PSD2: variants seen among roughly 807,000 people sequenced by gnomAD.
PSD2 encodes the protein pleckstrin and Sec7 domain containing 2, also known as PH and SEC7 domain-containing protein 2.
PSD2 carries 38 observed loss-of-function variants against 69.8 expected under a neutral mutation model. The observed-to-expected ratio is 0.54, with a 90% CI of 0.42 to 0.71. The LOEUF (loss-of-function observed/expected upper bound fraction) is 0.71. Ranked by LOEUF, PSD2 falls within the 30% of genes least tolerant of loss-of-function variation. PSD2 has a pLI of 0.00. For missense variants in PSD2, 943 were observed against 1,014.5 expected (o/e 0.93, Z 0.96); for synonymous variants, 412 against 423.0 (o/e 0.97, Z 0.32).
chr5:139,769,469 T>TG, the PSD2 span, among the ~76,000 whole-genome samples: 1 of 152,122 alleles, frequency 6.6e-6, no homozygotes, highest in African/African-American at 2.4e-5. Flanking sequence ...AGCTCCTCTG[T>TG]GGGGGGCAGC....
intron 1 of PSD2, among the ~76,000 whole-genome samples, chr5:139,800,081 G>A (rs1057332473): frequency 1.3e-5 from 2 of 152,224 alleles, no homozygotes; most frequent in African/African-American, 2.4e-5. Context: ...GCACCAGCAG[G>A]GGAGGGCCCT....
chr5:139,755,156 C>A, the PSD2 span, among the ~76,000 whole-genome samples: 1 of 152,226 alleles, frequency 6.6e-6, no homozygotes, highest in African/African-American at 2.4e-5. Flanking sequence ...GCGCCACCCA[C>A]GCCCCTTCCC....
chr5:139,807,866 A>G (rs1014305036), intron 1 of PSD2, among the ~76,000 whole-genome samples: 2 of 152,154 alleles, frequency 1.3e-5, no homozygotes, highest in Non-Finnish European at 2.9e-5. Context: ...TTGCCTCGTT[A>G]TAAGAATCAC....
chr5:139,767,558 G>A, the PSD2 span, among the ~76,000 whole-genome samples: 3 of 152,092 alleles, frequency 2.0e-5, no homozygotes, highest in Non-Finnish European at 4.4e-5. Context: ...CAAGTGATCT[G>A]CCCACCTCGG....
chr5:139,834,449 C>A (rs73269480), intron 8 of PSD2, among the ~76,000 whole-genome samples: 14,607 of 150,680 alleles, frequency 0.097, 967 homozygotes, highest in African/African-American at 0.19. Flanking sequence ...CTGTGCCTGG[C>A]GATTTTTATT....
At chr5:139,840,004 C>A (rs371557399) in intron 13 of PSD2, 23 bp from the exon 14 acceptor site, 2 of 1,613,570 alleles carry the variant, frequency 1.2e-6, no homozygotes, top group Admixed American at 3.3e-5. Flanking sequence ...TAAGGCCTCA[C>A]AGTCCAGGAT....
At position 139,839,963 on chromosome 5, in the gene PSD2, G is replaced by A. The variant is rs1044107084; in HGVS notation, c.1969-64G>A. 1 of 1,584,770 alleles carries A rather than the reference G, an allele frequency of 6.3e-7. No individual in the cohort carries two copies. Among genetic ancestry groups the A allele is most frequent in the Non-Finnish European group, 8.6e-7 (1 of 1,157,876 alleles). On this transcript the variant is annotated intron_variant, in intron 13 of 14. Transcript: ENST00000274710. This position sits in a 1 kb window ranked among gnomAD's most constrained non-coding sequence, Gnocchi z 5.1. ...TGGTGGAGCAGCTCCTGGTAGAACA[G>A]GATTTGAGCCACTCCGTGACATCCT...
At chr5:139,750,477 A>T in the PSD2 span, among the ~76,000 whole-genome samples, 96 of 152,026 alleles carry the variant, frequency 6.3e-4, 1 homozygote, top group Non-Finnish European at 8.5e-4. Flanking sequence ...GTAACCCCCA[A>T]CCTTCCAAAG....
chr5:139,763,644 C>T, the PSD2 span, among the ~76,000 whole-genome samples: 1 of 152,234 alleles, frequency 6.6e-6, no homozygotes, highest in African/African-American at 2.4e-5. Flanking sequence ...CACACCTTCC[C>T]TGCTCCTCTC....
At chr5:139,817,249 CT>C (rs1561599148) in intron 4 of PSD2, among the ~76,000 whole-genome samples, 2 of 152,176 alleles carry the variant, frequency 1.3e-5, no homozygotes, top group South Asian at 2.1e-4. Context: ...CTCCCTTCGC[CT>C]GGTTAGCTCG....
the PSD2 span, among the ~76,000 whole-genome samples, chr5:139,766,828 C>CTTCTCTCCTTCT: frequency 1.1e-5 from 1 of 87,736 alleles, no homozygotes; most frequent in Non-Finnish European, 2.6e-5. Context: ...AAGTCCCTTC[C>CTTCTCTCCTTCT]TTCTTTCTTT....
Position 139,813,735 on chromosome 5 carries a change from G to C in PSD2, c.798G>C (p.Thr266=). 6.2e-7 allele frequency: 1 copy of C among 1,606,744 alleles called. No homozygotes were observed. Among genetic ancestry groups the C allele is most frequent in the Non-Finnish European group, 8.5e-7 (1 of 1,175,186 alleles). The part of the protein sequence containing the change: ...GGDEDDDEED[T]DKLLNSASDP... Reference sequence around the variant, plus strand: ...ATGAGGATGATGATGAGGAGGACACGGACAAGTTGCTGAACTCAGCCAGGT... The same window carrying C: ...ATGAGGATGATGATGAGGAGGACACCGACAAGTTGCTGAACTCAGCCAGGT... The change falls in exon 3 of 15, where the codon ACG becomes ACC. Residue 266 remains threonine (T), a synonymous_variant. Transcript: ENST00000274710.
At chr5:139,786,014 A>G in the PSD2 span, among the ~76,000 whole-genome samples, 1 of 152,102 alleles carries the variant, frequency 6.6e-6, no homozygotes, top group South Asian at 2.1e-4. Flanking sequence ...CCTTGAACCC[A>G]GGAGTTTGAG....
intron 1 of PSD2, among the ~76,000 whole-genome samples, chr5:139,808,106 T>C (rs1759858226): frequency 6.6e-6 from 1 of 152,184 alleles, no homozygotes; most frequent in Admixed American, 6.5e-5. Context: ...AGCAGAGTGG[T>C]AGCCAAGGCC....
chr5:139,788,670 C>T, the PSD2 span, among the ~76,000 whole-genome samples: 1 of 152,228 alleles, frequency 6.6e-6, no homozygotes, highest in African/African-American at 2.4e-5. Flanking sequence ...CCACAAAGGC[C>T]CTTAGATGCC....
At chr5:139,820,367 C>CA (rs1554095552) in intron 5 of PSD2, among the ~76,000 whole-genome samples, 13 of 151,686 alleles carry the variant, frequency 8.6e-5, no homozygotes, top group African/African-American at 2.7e-4. Flanking sequence ...GAGAAGAGAA[C>CA]GGGAGCAAGA....
intron 1 of PSD2, among the ~76,000 whole-genome samples, chr5:139,796,541 C>A (rs1377765793): frequency 6.6e-6 from 1 of 152,184 alleles, no homozygotes; most frequent in South Asian, 2.1e-4. Context: ...CGCACGGGGG[C>A]GTGGCAGTCA....
rs753829771 is a variant in PSD2, at chr5:139,836,955, C to T, written c.1548C>T (p.His516=). 1.8e-5 allele frequency: 29 copies of T among 1,613,908 alleles called. No homozygotes were observed. Among genetic ancestry groups the T allele is most frequent in the African/African-American group, 2.7e-5 (2 of 74,908 alleles). Residue 516 remains histidine (H), a synonymous_variant, in exon 10 of 15, where the codon CAC becomes CAT. Coordinates refer to ENST00000274710, the MANE Select transcript of PSD2 (RefSeq NM_032289.4). ...PQALSATTYK[H]GVLTRKTHAD... is the part of the protein sequence containing the mutation. ...CGCTCAGTGCCACCACCTACAAGCA[C>T]GGCGTCCTGACCCGGAAGACTCACG...
In PSD2 at chr5:139,842,255, T is replaced by C; in HGVS notation, c.2113-16T>C. On this transcript the variant is annotated splice_polypyrimidine_tract_variant and intron_variant, in intron 14 of 14. Transcript: ENST00000274710. ...TATTTTGTTGTCTTTTGACCTTGTG[T>C]TTGGCCTTTCCCCAGAAAAGCCGTT... 1 of 1,611,662 alleles carries C rather than the reference T, an allele frequency of 6.2e-7. No individual in the cohort carries two copies. The highest frequency in any genetic ancestry group is 2.2e-5 in the East Asian group (1 of 44,844).
Sources: allele counts gnomAD v4.1 joint callset (sites outside exome capture counted in the v4.1 genomes callset), GRCh38; gene constraint gnomAD v4.1.1; non-coding constraint Gnocchi (gnomAD v3.1); transcripts MANE v1.5; gene names NCBI Gene and HGNC (gene_info 2026-07-23, HGNC 2026-07-21).